VIT: variants seen among roughly 807,000 people sequenced by gnomAD.
VIT encodes vitrin.
In VIT, 99 loss-of-function variants were observed where a neutral mutation model predicts 78.0. The ratio of observed to expected loss-of-function variants is 1.27; its 90% CI spans 1.08 to 1.50. The LOEUF (loss-of-function observed/expected upper bound fraction) is 1.50. VIT is among the 40% of genes most tolerant of loss of function. The pLI, the probability that VIT is intolerant of heterozygous loss-of-function variation, is 0.00. For missense variants in VIT, 1,126 were observed against 875.3 expected (o/e 1.29, Z -3.61); for synonymous variants, 374 against 334.3 (o/e 1.12, Z -1.29).
chr2:36,700,346 C>T (rs1664973061), intron 1 of VIT, among the ~76,000 whole-genome samples: 1 of 152,114 alleles, frequency 6.6e-6, no homozygotes, highest in African/African-American at 2.4e-5. Context: ...TCCTGGCCCT[C>T]AAACACACAT....
chr2:36,805,334 A>C, intron 13 of VIT, 104 bp from the exon 14 acceptor site: 549 of 562,032 alleles, frequency 9.8e-4, no homozygotes, highest in Non-Finnish European at 1.4e-3. Flanking sequence ...AAAACTAGGG[A>C]GGGAATGAGT....
chr2:36,805,127 A>G lies in VIT; in HGVS notation c.1163-311A>G, dbSNP rs1448909939. ...AGACCAGCCTAGGCAGCATGGCAAA[A>G]CCTCGTCTCTACAAAAAAAACACAA... is the stretch of plus-strand genomic sequence containing the variant. On this transcript the variant is annotated intron_variant, in intron 13 of 15. Transcript: ENST00000379242. 2.0e-5 allele frequency among the ~76,000 whole-genome samples: 3 copies of G among 151,892 alleles called. No individual in the cohort carries two copies. In the East Asian group the frequency reaches 5.8e-4, roughly 29 times the overall value.
At chr2:36,800,911 AGAG>A (rs2148664607) in intron 12 of VIT, among the ~76,000 whole-genome samples, 1 of 152,218 alleles carries the variant, frequency 6.6e-6, no homozygotes, top group Admixed American at 6.5e-5. Context: ...CTCTTTCTGG[AGAG>A]GGGGGTCTGG....
intron 14 of VIT, among the ~76,000 whole-genome samples, chr2:36,808,086 C>G (rs1022542389): frequency 6.6e-6 from 1 of 152,210 alleles, no homozygotes; most frequent in Non-Finnish European, 1.5e-5. Context: ...GGAATAAAAG[C>G]TTTCTTTAGT....
chr2:36,758,630 G>A (rs565259609), intron 5 of VIT, among the ~76,000 whole-genome samples: 17 of 152,272 alleles, frequency 1.1e-4, no homozygotes, highest in East Asian at 3.9e-4. Context: ...GGGCTTTCCC[G>A]TTCACCTACT....
chr2:36,803,352 T>C (rs902062035), intron 13 of VIT, among the ~76,000 whole-genome samples: 1 of 152,172 alleles, frequency 6.6e-6, no homozygotes, highest in Non-Finnish European at 1.5e-5. Flanking sequence ...TGCAAGGGAG[T>C]CTGGAAAATG....
rs185614760 is a variant in VIT at position 36,746,521 on chromosome 2, A to G, written c.275+3265A>G. ...TGTTTAGGATTTTCTTTCTAGTTCAATCTTGGGAGGTTGTGTGTTTACAGG... is the reference window on the plus strand; with the variant it reads ...TGTTTAGGATTTTCTTTCTAGTTCAGTCTTGGGAGGTTGTGTGTTTACAGG... On this transcript the variant is annotated intron_variant, in intron 4 of 15. Transcript: ENST00000379242. Among the ~76,000 whole-genome samples the G allele has an allele frequency of 2.2e-4, 34 of 151,940 alleles. No homozygotes were observed. The East Asian group carries it at 6.0e-3, about 27-fold the overall frequency.
chr2:36,729,513 T>G (rs902619379), intron 3 of VIT, 22 bp downstream of exon 3: 1 of 1,602,448 alleles, frequency 6.2e-7, no homozygotes, highest in Admixed American at 1.7e-5. Flanking sequence ...CACAATTCCT[T>G]GCTGGCATAA....
intron 2 of VIT, among the ~76,000 whole-genome samples, chr2:36,718,864 C>A (rs1027231538): frequency 1.3e-5 from 2 of 152,220 alleles, no homozygotes; most frequent in African/African-American, 4.8e-5. Context: ...GGAACTACAA[C>A]TTGAAAGCAC....
At chr2:36,697,090 T>A (rs537362265) in intron 1 of VIT, 117 bp downstream of exon 1, 15 of 143,782 alleles carry the variant, frequency 1.0e-4, no homozygotes, top group Admixed American at 8.9e-4. Flanking sequence ...CAAATTTCAG[T>A]TTCAAGAGAG....
At chr2:36,710,456 A>G (rs1315149074) in intron 1 of VIT, among the ~76,000 whole-genome samples, 7 of 152,114 alleles carry the variant, frequency 4.6e-5, no homozygotes, top group Admixed American at 3.9e-4. Context: ...ATACTGTGAA[A>G]CCATCACTAC....
intron 7 of VIT, among the ~76,000 whole-genome samples, chr2:36,771,359 C>T (rs1669741710): frequency 6.6e-6 from 1 of 152,044 alleles, no homozygotes; most frequent in Non-Finnish European, 1.5e-5. Flanking sequence ...AACCCCATCT[C>T]TACTAAAAAT....
At chr2:36,782,979 G>C (rs1287496074) in intron 10 of VIT, among the ~76,000 whole-genome samples, 1 of 152,174 alleles carries the variant, frequency 6.6e-6, no homozygotes, top group Non-Finnish European at 1.5e-5. Context: ...GTTTATTCGA[G>C]CAAGACACAT....
chr2:36,775,132 T>A, intron 9 of VIT, 65 bp downstream of exon 9: 1 of 1,581,864 alleles, frequency 6.3e-7, no homozygotes, highest in East Asian at 2.2e-5. Context: ...TTTGCAAACA[T>A]GAGGACCTCC....
In VIT at chr2:36,814,388, G is replaced by T. The variant is rs1202209001; in HGVS notation, c.*27G>T. 7 of 1,611,912 alleles carry T rather than the reference G, an allele frequency of 4.3e-6. No individual in the cohort carries two copies. In the South Asian group the frequency reaches 6.6e-5, roughly 15 times the overall value. ...TTCAGAGCAGGCAGAGCACCAGCAAGTGCTGCTTTACTAACTGACGTGTTG... is the reference window on the plus strand; with the variant it reads ...TTCAGAGCAGGCAGAGCACCAGCAATTGCTGCTTTACTAACTGACGTGTTG... On this transcript the variant is annotated 3_prime_UTR_variant, in exon 16 of 16. Coordinates refer to ENST00000379242, the MANE Select transcript of VIT (RefSeq NM_053276.4).
intron 4 of VIT, among the ~76,000 whole-genome samples, chr2:36,751,974 A>G (rs1414634949): frequency 1.3e-5 from 2 of 152,230 alleles, no homozygotes. Context: ...ATGAGCAGAA[A>G]GTATATTGGG....
At chr2:36,783,239 C>T in intron 10 of VIT, 101 bp from the exon 11 acceptor site, 3 of 1,116,490 alleles carry the variant, frequency 2.7e-6, no homozygotes. Flanking sequence ...TAAGCCAAGC[C>T]CCCAAGCTGG....
chr2:36,702,947 T>C (rs1293957397), intron 1 of VIT, among the ~76,000 whole-genome samples: 1 of 152,180 alleles, frequency 6.6e-6, no homozygotes. Flanking sequence ...CTGCCTAGGC[T>C]CCTCAGCCCT....
intron 1 of VIT, among the ~76,000 whole-genome samples, chr2:36,710,065 A>G (rs1275852566): frequency 6.6e-6 from 1 of 152,194 alleles, no homozygotes; most frequent in Non-Finnish European, 1.5e-5. Context: ...TGTATATGTT[A>G]AGTCTTCCTA....
Sources: allele counts gnomAD v4.1 joint callset (sites outside exome capture counted in the v4.1 genomes callset), GRCh38; gene constraint gnomAD v4.1.1; transcripts MANE v1.5; gene names NCBI Gene and HGNC (gene_info 2026-07-23, HGNC 2026-07-21).